The following VDAC1 variants were observed in gnomAD, a reference collection of about 807,000 sequenced individuals.
VDAC1 encodes the protein voltage dependent anion channel 1.
VDAC1 carries 10 observed loss-of-function variants against 34.7 expected under a neutral mutation model. That is an observed-to-expected ratio of 0.29 (90% CI 0.18 to 0.49). VDAC1 has a LOEUF of 0.49. Ranked by LOEUF, VDAC1 falls within the 20% of genes least tolerant of loss-of-function variation. The pLI, the probability that VDAC1 is intolerant of heterozygous loss-of-function variation, is 0.99. For missense variants in VDAC1, 230 were observed against 347.9 expected, an observed-to-expected ratio of 0.66 and a Z score of 2.69; for synonymous variants, 130 against 136.0, an observed-to-expected ratio of 0.96 and a Z score of 0.30.
upstream of VDAC1, among the ~76,000 whole-genome samples, chr5:134,007,041 C>G (rs1312076252): frequency 6.6e-6 from 1 of 151,736 alleles, no homozygotes; most frequent in Non-Finnish European, 1.5e-5. Context: ...GTCGGGAGTT[C>G]GAGACCAGCC....
At chr5:133,980,689 A>T in intron 6 of VDAC1, 40 bp downstream of exon 6, 106 of 563,946 alleles carry the variant, frequency 1.9e-4, no homozygotes, top group Middle Eastern at 3.7e-4. Flanking sequence ...ACATGCTCCA[A>T]CCCCACCCCT....
chr5:133,988,919 A>G (rs903048225), intron 5 of VDAC1: 1 of 152,382 alleles, frequency 6.6e-6, no homozygotes, highest in Admixed American at 6.5e-5. Flanking sequence ...AGTCCCAGGC[A>G]GCAAATTCAA....
chr5:134,099,308 T>C, the VDAC1 span, among the ~76,000 whole-genome samples: 1 of 152,178 alleles, frequency 6.6e-6, no homozygotes, highest in African/African-American at 2.4e-5. Context: ...TGCTCTTCAA[T>C]GGGACCAGCC....
the VDAC1 span, among the ~76,000 whole-genome samples, chr5:134,039,556 G>A: frequency 3.9e-5 from 6 of 151,984 alleles, no homozygotes; most frequent in African/African-American, 7.2e-5. Context: ...GTCTCGATCT[G>A]CTGACCTCGT....
chr5:134,011,322 G>A, the VDAC1 span, among the ~76,000 whole-genome samples: 1 of 151,954 alleles, frequency 6.6e-6, no homozygotes, highest in Non-Finnish European at 1.5e-5. Flanking sequence ...TTTTAATGGG[G>A]TTATTTGTTT....
chr5:134,062,412 T>C, the VDAC1 span, among the ~76,000 whole-genome samples: 1 of 151,772 alleles, frequency 6.6e-6, no homozygotes, highest in African/African-American at 2.4e-5. Context: ...TTAGGTTTTC[T>C]AATTTTAAAC....
chr5:134,102,289 G>A, the VDAC1 span, among the ~76,000 whole-genome samples: 1 of 152,062 alleles, frequency 6.6e-6, no homozygotes, highest in African/African-American at 2.4e-5. Flanking sequence ...GAGTGCACTC[G>A]TGGTCTGAAT....
intron 8 of VDAC1, 21 bp from the exon 9 acceptor site, chr5:133,972,883 GAGAGGAAAGGA>G (rs1561578942): frequency 1.1e-5 from 18 of 1,579,724 alleles, no homozygotes; most frequent in Non-Finnish European, 1.5e-5. Flanking sequence ...AAAAATGAGG[GAGAGGAAAGGA>G]GGAGGAATGG....
At chr5:134,010,970 T>TA in the VDAC1 span, among the ~76,000 whole-genome samples, 160 of 72,454 alleles carry the variant, frequency 2.2e-3, no homozygotes, top group African/African-American at 6.5e-3. Flanking sequence ...CCCCATTCCC[T>TA]TTTTTTTTTT....
rs1752672368 is a variant in VDAC1 at position 133,980,930 on chromosome 5, C to T, written c.350G>A (p.Gly117Glu). The T allele has an allele frequency of 6.2e-7, 1 of 1,613,828 alleles. No individual in the cohort carries two copies. The highest frequency in any genetic ancestry group is 1.7e-5 in the Admixed American group (1 of 59,970). The change falls in exon 6 of 9, where the codon GGG (glycine) becomes GAG (glutamate). Residue 117 changes from glycine (G) to glutamate (E), a missense_variant. Transcript: ENST00000265333. ...CAGGTTAATGTGCTCCCGCTTGTAC[C>T]CTGTCTTGATTTTAGCATTTTTTTT... ...TGKKNAKIKTGYKREHINLGC... is the reference protein window; with the variant it reads ...TGKKNAKIKTEYKREHINLGC...
chr5:133,974,976 G>A (rs1752422415), intron 7 of VDAC1, among the ~76,000 whole-genome samples: 1 of 151,682 alleles, frequency 6.6e-6, no homozygotes, highest in Admixed American at 6.6e-5. Context: ...CAAACAAACA[G>A]AGATGATTGG....
At chr5:134,069,938 A>G in the VDAC1 span, among the ~76,000 whole-genome samples, 2 of 152,152 alleles carry the variant, frequency 1.3e-5, no homozygotes, top group African/African-American at 4.8e-5. Flanking sequence ...ACCTATCTTC[A>G]TCCTTACTGC....
intron 5 of VDAC1, 98 bp from the exon 6 acceptor site, chr5:133,981,054 T>C (rs898731351): frequency 9.5e-7 from 1 of 1,055,436 alleles, no homozygotes; most frequent in Non-Finnish European, 1.4e-6. Flanking sequence ...ATAAAGGGAG[T>C]GGGGTGGGGG....
At chr5:134,015,593 C>T in the VDAC1 span, among the ~76,000 whole-genome samples, 1 of 151,924 alleles carries the variant, frequency 6.6e-6, no homozygotes, top group Non-Finnish European at 1.5e-5. Context: ...CCCAGCTATT[C>T]GGGGGGCTGA....
the VDAC1 span, among the ~76,000 whole-genome samples, chr5:134,048,027 A>G: frequency 0.011 from 1,622 of 151,634 alleles, 84 homozygotes; most frequent in East Asian, 0.08. Flanking sequence ...GGGAAAAAAA[A>G]AGAAAAAAGC....
chr5:134,018,743 T>C, the VDAC1 span, among the ~76,000 whole-genome samples: 6 of 152,140 alleles, frequency 3.9e-5, no homozygotes, highest in African/African-American at 1.4e-4. Context: ...TTGGCCACAT[T>C]GGATAAACTA....
At chr5:133,984,800 G>A (rs1379633034) in intron 5 of VDAC1, among the ~76,000 whole-genome samples, 1 of 152,134 alleles carries the variant, frequency 6.6e-6, no homozygotes, top group African/African-American at 2.4e-5. Flanking sequence ...GCTGGGTGTG[G>A]TGGTGCACAC....
the VDAC1 span, among the ~76,000 whole-genome samples, chr5:134,036,675 C>T: frequency 6.6e-4 from 98 of 149,560 alleles, 7 homozygotes; most frequent in Non-Finnish European, 5.9e-5. Flanking sequence ...AAAAAAAGGC[C>T]GGGTGTGGTG....
At chr5:134,033,666 C>T in the VDAC1 span, among the ~76,000 whole-genome samples, 1 of 147,848 alleles carries the variant, frequency 6.8e-6, no homozygotes, top group African/African-American at 2.5e-5. Flanking sequence ...GTGGGTGAGC[C>T]CAAAATGGAA....
Sources: gnomAD v4.1 joint callset for allele counts (sites outside exome capture counted in the v4.1 genomes callset) on GRCh38, gnomAD v4.1.1 for gene constraint, MANE v1.5 for transcripts, NCBI Gene and HGNC (gene_info 2026-07-23, HGNC 2026-07-21) for gene names.